Variants in PLAT observed in about 807,000 individuals in gnomAD.
PLAT encodes the protein tissue-type plasminogen activator.
Under a neutral mutation model 74.9 loss-of-function variants are expected in PLAT, and 48 were observed. The ratio of observed to expected loss-of-function variants is 0.64; its 90% CI spans 0.51 to 0.82. The LOEUF is 0.82. Ranked by LOEUF, PLAT falls within the 40% of genes least tolerant of loss-of-function variation. The probability of loss-of-function intolerance (pLI) is 0.00; values close to 1 mark genes in which losing one functional copy is unlikely to be tolerated. For missense variants in PLAT, 673 were observed against 736.2 expected (o/e 0.91, Z 0.99); for synonymous variants, 307 against 294.4 (o/e 1.04, Z -0.44).
intron 1 of PLAT, chr8:42,193,521 T>A: frequency 3.9e-6 from 1 of 257,276 alleles, no homozygotes. Context: ...CACCCCTAAC[T>A]GAAACTCTGT....
intron 1 of PLAT, among the ~76,000 whole-genome samples, chr8:42,200,583 G>A (rs1452837645): frequency 6.6e-6 from 1 of 151,530 alleles, no homozygotes; most frequent in Non-Finnish European, 1.5e-5. Flanking sequence ...AGGCTGAGGT[G>A]GGAGGATGGC....
In PLAT at chr8:42,187,983, G is replaced by A. The variant is rs1445739162; in HGVS notation, c.287C>T (p.Thr96Ile). 3 of 1,613,446 alleles carry A rather than the reference G, an allele frequency of 1.9e-6. No homozygotes were observed. The highest frequency in any genetic ancestry group is 1.7e-6 in the Non-Finnish European group (2 of 1,179,564). Residue 96 changes from threonine (T) to isoleucine (I), a missense_variant, in exon 5 of 14, where the codon ACC becomes ATC. Transcript: ENST00000220809. ...TGAGAAGTACAGGGCCTGCTGGCAG[G>A]TGCCCCCGTTGAAACACCTTGGCTC... ...CSEPRCFNGG[T>I]CQQALYFSDF... is the part of the protein sequence containing the mutation.
chr8:42,191,599 T>C (rs1805689547), intron 2 of PLAT, among the ~76,000 whole-genome samples, 185 bp from the exon 3 acceptor site: 2 of 152,136 alleles, frequency 1.3e-5, no homozygotes, highest in Non-Finnish European at 1.5e-5. Context: ...CTCTCCTTCC[T>C]GACTGGCTCT....
rs756106385 is a variant in PLAT, at chr8:42,176,018, C to T, written c.1664G>A (p.Trp555Ter). 1 of 1,614,092 alleles carries T rather than the reference C, an allele frequency of 6.2e-7. No individual in the cohort carries two copies. The highest frequency in any genetic ancestry group is 8.5e-7 in the Non-Finnish European group (1 of 1,179,978). Residue 555 changes from tryptophan to a stop codon, truncating the protein, a stop_gained, in exon 14 of 14, where the codon TGG (tryptophan) becomes TAG (stop). Transcript: ENST00000220809. LOFTEE classifies it high-confidence loss of function. Reference sequence around the variant, plus strand: ...TCACGGTCGCATGTTGTCACGAATCCAGTCTAGGTAGTTGGTAACCTTGGT... The same window carrying T: ...TCACGGTCGCATGTTGTCACGAATCTAGTCTAGGTAGTTGGTAACCTTGGT... ...VYTKVTNYLDWIRDNMRP is the reference protein window; with the variant it reads ...VYTKVTNYLD
At chr8:42,195,168 G>A (rs2719421) in intron 1 of PLAT, among the ~76,000 whole-genome samples, 85,335 of 150,664 alleles carry the variant, frequency 0.57, 25,277 homozygotes, top group East Asian at 0.69. Context: ...GGGCTTCCAG[G>A]CCTTGCCTCC....
At chr8:42,196,664 C>G (rs933980962) in intron 1 of PLAT, among the ~76,000 whole-genome samples, 18 of 152,106 alleles carry the variant, frequency 1.2e-4, no homozygotes, top group Non-Finnish European at 2.1e-4. Context: ...CTGGGATGGA[C>G]TTTGGGCCTC....
intron 7 of PLAT, chr8:42,184,705 T>C (rs1805383889): frequency 6.4e-6 from 1 of 156,176 alleles, no homozygotes; most frequent in African/African-American, 2.4e-5. Context: ...TTTTTTTTTT[T>C]TTTTTTTTGC....
chr8:42,202,859 C>T (rs1014130262), intron 1 of PLAT, among the ~76,000 whole-genome samples: 6 of 152,046 alleles, frequency 3.9e-5, no homozygotes, highest in Non-Finnish European at 5.9e-5. Context: ...GAAGCTGTTC[C>T]GGGAACACAC....
chr8:42,177,925 C>T (rs1289791413), intron 13 of PLAT, among the ~76,000 whole-genome samples: 2 of 152,226 alleles, frequency 1.3e-5, no homozygotes, highest in Non-Finnish European at 2.9e-5. Flanking sequence ...CTTCTACCCC[C>T]AGCCCCTAAA....
chr8:42,178,855 C>A, intron 13 of PLAT, 42 bp downstream of exon 13: 1 of 1,598,668 alleles, frequency 6.3e-7, no homozygotes, highest in South Asian at 1.1e-5. Context: ...GGGGCATTCT[C>A]CCCTGGGTTG....
Position 42,189,030 on chromosome 8 carries a change from G to A in PLAT, c.157C>T (p.His53Tyr), listed in dbSNP as rs142945501. Reference protein sequence around the residue: ...DEKTQMIYQQHQSWLRPVLRS... With the variant: ...DEKTQMIYQQYQSWLRPVLRS... The stretch of plus-strand genomic sequence containing the variant: ...AGCACAGGGCGCAGCCATGACTGAT[G>A]TTGCTGGTATATCATCTGCGTTTTT... The change falls in exon 4 of 14, where the codon CAT (histidine) becomes TAT (tyrosine). Residue 53 changes from histidine (H) to tyrosine (Y), a missense_variant. His to Tyr is a moderately conservative substitution (Grantham distance 83). Transcript: ENST00000220809. 4 of 1,613,914 alleles carry A rather than the reference G, an allele frequency of 2.5e-6. No individual in the cohort carries two copies. In the African/African-American group the frequency reaches 4.0e-5, roughly 16 times the overall value.
chr8:42,185,871 A>C (rs73675018), intron 6 of PLAT: 17 of 152,378 alleles, frequency 1.1e-4, no homozygotes, highest in African/African-American at 4.1e-4. Context: ...AATCACTTAA[A>C]GGCCTTAAGA....
At chr8:42,204,555 A>G (rs1266652109) in intron 1 of PLAT, among the ~76,000 whole-genome samples, 1 of 152,060 alleles carries the variant, frequency 6.6e-6, no homozygotes. Flanking sequence ...CCTGGCCAAC[A>G]TGGTGAAAAC....
chr8:42,193,340 C>T, intron 1 of PLAT, 129 bp from the exon 2 acceptor site: 1 of 626,954 alleles, frequency 1.6e-6, no homozygotes, highest in Non-Finnish European at 2.9e-6. Context: ...AAACGCCAGA[C>T]ATGCATCTAG....
At chr8:42,206,107 A>G (rs943405740) in intron 1 of PLAT, among the ~76,000 whole-genome samples, 27 of 152,224 alleles carry the variant, frequency 1.8e-4, no homozygotes, top group Admixed American at 5.2e-4. Flanking sequence ...GGAGAATCCG[A>G]CGCGAGTCAT....
In PLAT at chr8:42,176,163, A is replaced by G. The variant is rs535309739; in HGVS notation, c.1531-12T>C. 1.9e-6 allele frequency: 3 copies of G among 1,608,978 alleles called. No individual in the cohort carries two copies. The Admixed American group carries it at 5.0e-5, about 27-fold the overall frequency. ...CCTCCCGAATCGCCCTGCAAAGGAGATAGCAGGTTTGGCGTTTGCAAAAAA... is the reference window on the plus strand; with the variant it reads ...CCTCCCGAATCGCCCTGCAAAGGAGGTAGCAGGTTTGGCGTTTGCAAAAAA... On this transcript the variant is annotated splice_polypyrimidine_tract_variant and intron_variant, in intron 13 of 13. Coordinates refer to ENST00000220809, the MANE Select transcript of PLAT (RefSeq NM_000930.5).
rs767763888 is a variant in PLAT, at chr8:42,189,037, G to A, written c.150C>T (p.Tyr50=). Reference sequence around the variant, plus strand: ...GGCGCAGCCATGACTGATGTTGCTGGTATATCATCTGCGTTTTTTCATCTC... The same window carrying A: ...GGCGCAGCCATGACTGATGTTGCTGATATATCATCTGCGTTTTTTCATCTC... The part of the protein sequence containing the change: ...ICRDEKTQMI[Y]QQHQSWLRPV... Residue 50 remains tyrosine (Y), a synonymous_variant, in exon 4 of 14, where the codon TAC becomes TAT. Coordinates refer to ENST00000220809, the MANE Select transcript of PLAT (RefSeq NM_000930.5). 6.8e-6 allele frequency: 11 copies of A among 1,613,746 alleles called. No individual in the cohort carries two copies. In the South Asian group the frequency reaches 1.1e-4, roughly 16 times the overall value.
intron 8 of PLAT, chr8:42,182,509 A>C: frequency 2.1e-6 from 1 of 471,032 alleles, no homozygotes; most frequent in Non-Finnish European, 3.8e-6. Flanking sequence ...CAGGACCCTT[A>C]ACTTGGGATT....
In PLAT at chr8:42,180,507, G is replaced by C. The variant is rs11537821; in HGVS notation, c.1068C>G (p.Ala356=). ...GCCCCTACCTCTCCTGGAAGCAGTG[G>C]GCGGCAGAGAGAATCCAGCAGGAGC... ...LISSCWILSA[A]HCFQERFPPH... The change falls in exon 10 of 14, where the codon GCC becomes GCG. Residue 356 remains alanine (A), a synonymous_variant. Coordinates refer to ENST00000220809, the MANE Select transcript of PLAT (RefSeq NM_000930.5). 27 of 1,613,938 alleles carry C rather than the reference G, an allele frequency of 1.7e-5. No individual in the cohort carries two copies. Among genetic ancestry groups the C allele is most frequent in the Admixed American group, 1.2e-4 (7 of 60,010 alleles).
Sources: allele counts gnomAD v4.1 joint callset (sites outside exome capture counted in the v4.1 genomes callset), GRCh38; gene constraint gnomAD v4.1.1; transcripts MANE v1.5; gene names NCBI Gene and HGNC (gene_info 2026-07-23, HGNC 2026-07-21).